PPFIBP2: variants seen among roughly 807,000 people sequenced by gnomAD.
The protein encoded by PPFIBP2 is liprin-beta-2.
Under a neutral mutation model 118.3 loss-of-function variants are expected in PPFIBP2, and 118 were observed. The ratio of observed to expected loss-of-function variants is 1.00; its 90% CI spans 0.86 to 1.16. The LOEUF (loss-of-function observed/expected upper bound fraction) is 1.16. Ranked by LOEUF, PPFIBP2 falls within the 50% of genes most tolerant of loss-of-function variation. The pLI, the probability that PPFIBP2 is intolerant of heterozygous loss-of-function variation, is 0.00. For missense variants in PPFIBP2, 1,195 were observed against 1,073.1 expected (o/e 1.11, Z -1.59); for synonymous variants, 414 against 397.4 (o/e 1.04, Z -0.50).
intron 12 of PPFIBP2, among the ~76,000 whole-genome samples, chr11:7,633,860 C>A (rs1021858096): frequency 3.3e-5 from 5 of 152,186 alleles, no homozygotes; most frequent in Non-Finnish European, 7.3e-5. Flanking sequence ...CTCGTATAAT[C>A]TGAGAAATAT....
intron 1 of PPFIBP2, among the ~76,000 whole-genome samples, chr11:7,519,954 G>A (rs1849593907): frequency 6.6e-6 from 1 of 152,134 alleles, no homozygotes; most frequent in South Asian, 2.1e-4. Context: ...ACAGAGAGGC[G>A]ACTGGAGGCT....
At chr11:7,631,072 C>T (rs760491209) in intron 11 of PPFIBP2, 44 bp downstream of exon 11, 35 of 1,468,056 alleles carry the variant, frequency 2.4e-5, no homozygotes, top group African/African-American at 4.2e-5. Context: ...GCAGGTCCTC[C>T]GAGCTTGCCC....
chr11:7,565,129 A>T (rs1232126851), intron 2 of PPFIBP2, among the ~76,000 whole-genome samples: 1 of 152,198 alleles, frequency 6.6e-6, no homozygotes, highest in African/African-American at 2.4e-5. Context: ...TGTGAGCTTC[A>T]TACATCAGTC....
chr11:7,652,997 C>A (rs112435240), intron 23 of PPFIBP2, 27 bp from the exon 24 acceptor site: 3 of 1,590,406 alleles, frequency 1.9e-6, no homozygotes, highest in South Asian at 1.1e-5. Context: ...ATTGCCTTCT[C>A]ATAATCTTGC....
intron 1 of PPFIBP2, among the ~76,000 whole-genome samples, chr11:7,543,399 G>A (rs1457310558): frequency 6.6e-6 from 1 of 152,216 alleles, no homozygotes; most frequent in Non-Finnish European, 1.5e-5. Flanking sequence ...AGGTTCTGTG[G>A]TTGTGGTGGG....
the PPFIBP2 span, among the ~76,000 whole-genome samples, chr11:7,664,007 C>T: frequency 1.1e-4 from 17 of 151,782 alleles, no homozygotes; most frequent in Admixed American, 7.2e-4. Flanking sequence ...TGCTTCGGCT[C>T]GCACACGGTG....
At chr11:7,651,943 A>C in intron 23 of PPFIBP2, 99 bp downstream of exon 23, 1 of 1,178,310 alleles carries the variant, frequency 8.5e-7, no homozygotes, top group Non-Finnish European at 1.2e-6. Context: ...CAGCATGCGC[A>C]GCCTGGACAA....
At chr11:7,638,117 TATAATCTGAG>T (rs1457410663) in intron 14 of PPFIBP2, among the ~76,000 whole-genome samples, 1 of 152,232 alleles carries the variant, frequency 6.6e-6, no homozygotes, top group Non-Finnish European at 1.5e-5. Flanking sequence ...ACTGCATTAG[TATAATCTGAG>T]ATAATCTGAG....
chr11:7,605,713 G>A (rs1036333474), intron 5 of PPFIBP2: 1 of 1,345,144 alleles, frequency 7.4e-7, no homozygotes, highest in Non-Finnish European at 9.5e-7. Context: ...GGAAAATAGA[G>A]TTACTAAGTA....
intron 6 of PPFIBP2, chr11:7,617,261 C>A (rs1206922600): frequency 2.0e-6 from 2 of 985,310 alleles, no homozygotes; most frequent in African/African-American, 3.5e-5. Context: ...CCCAGCCCTG[C>A]AGCCAGGACT....
chr11:7,605,221 A>C (rs995298529), intron 5 of PPFIBP2, among the ~76,000 whole-genome samples: 12 of 152,264 alleles, frequency 7.9e-5, no homozygotes, highest in Admixed American at 6.5e-4. Flanking sequence ...TTTCTAAGAC[A>C]GGGATTTAAG....
intron 3 of PPFIBP2, among the ~76,000 whole-genome samples, chr11:7,579,710 C>G: frequency 6.6e-6 from 1 of 152,164 alleles, no homozygotes; most frequent in Non-Finnish European, 1.5e-5. Flanking sequence ...TCCCAAGACC[C>G]AGGGTATGCT....
intron 2 of PPFIBP2, among the ~76,000 whole-genome samples, chr11:7,558,028 A>G (rs72849091): frequency 0.023 from 3,498 of 152,344 alleles, 44 homozygotes; most frequent in Middle Eastern, 0.041. Context: ...TCTTGTCTAT[A>G]TGTCTTAATT....
downstream of PPFIBP2, among the ~76,000 whole-genome samples, chr11:7,660,445 A>G (rs1317568968): frequency 6.8e-6 from 1 of 147,284 alleles, no homozygotes; most frequent in Admixed American, 6.9e-5. Flanking sequence ...ATGCTGGATT[A>G]CATTTATTGA....
At chr11:7,553,608 A>C (rs942449363) in intron 2 of PPFIBP2, among the ~76,000 whole-genome samples, 11 of 152,198 alleles carry the variant, frequency 7.2e-5, no homozygotes, top group African/African-American at 2.7e-4. Flanking sequence ...TCTTTGGACA[A>C]ATTGCTTAAT....
intron 17 of PPFIBP2, among the ~76,000 whole-genome samples, chr11:7,647,062 G>C (rs942800769): frequency 6.6e-6 from 1 of 152,102 alleles, no homozygotes; most frequent in Non-Finnish European, 1.5e-5. Context: ...CCCTGCCCCA[G>C]GGTATACATT....
At chr11:7,517,586 T>TACTAA (rs761119203) in intron 1 of PPFIBP2, among the ~76,000 whole-genome samples, 150,327 of 150,336 alleles carry the variant, frequency 1, 75,159 homozygotes, top group Middle Eastern at 1. Context: ...AGGTTTGGGG[T>TACTAA]GAAAAAGTGA....
At chr11:7,631,099 T>G (rs1219291813) in intron 11 of PPFIBP2, 71 bp downstream of exon 11, 2 of 1,142,238 alleles carry the variant, frequency 1.8e-6, no homozygotes, top group Non-Finnish European at 2.7e-6. Context: ...TGAGGGAGGA[T>G]CTAGTCAGAC....
downstream of PPFIBP2, among the ~76,000 whole-genome samples, chr11:7,660,212 T>C (rs1854861181): frequency 7.8e-6 from 1 of 127,914 alleles, no homozygotes. Context: ...AGAGAGGGCA[T>C]CCCTGTCTTG....
Sources: gnomAD v4.1 joint callset for allele counts (sites outside exome capture counted in the v4.1 genomes callset) on GRCh38, gnomAD v4.1.1 for gene constraint, MANE v1.5 for transcripts, NCBI Gene and HGNC (gene_info 2026-07-23, HGNC 2026-07-21) for gene names.